The following CSRP3 variants were observed in gnomAD, a reference collection of about 807,000 sequenced individuals.
CSRP3 encodes cysteine and glycine rich protein 3.
Under a neutral mutation model 24.3 loss-of-function variants are expected in CSRP3, and 24 were observed. The observed-to-expected ratio is 0.99, with a 90% CI of 0.71 to 1.39. The LOEUF (loss-of-function observed/expected upper bound fraction) is 1.39. Ranked by LOEUF, CSRP3 falls within the 40% of genes most tolerant of loss-of-function variation. The pLI is 0.00. For missense variants in CSRP3, 240 were observed against 249.0 expected, an observed-to-expected ratio of 0.96 and a Z score of 0.24; for synonymous variants, 105 against 94.0, an observed-to-expected ratio of 1.12 and a Z score of -0.68.
At chr11:19,195,430 A>G (rs958766101) in intron 1 of CSRP3, among the ~76,000 whole-genome samples, 4 of 152,218 alleles carry the variant, frequency 2.6e-5, no homozygotes, top group African/African-American at 9.6e-5. Context: ...CATTTTCTAG[A>G]AAAGAATAGA....
chr11:19,194,990 T>A (rs1280363724), intron 1 of CSRP3, among the ~76,000 whole-genome samples: 2 of 152,096 alleles, frequency 1.3e-5, no homozygotes, highest in African/African-American at 4.8e-5. Context: ...CAGAATGCTC[T>A]GTACCAGAGA....
At position 19,182,541 on chromosome 11, in the gene CSRP3, C is replaced by G; in HGVS notation, c.*129G>C. The G allele has an allele frequency of 1.2e-6, 1 of 837,432 alleles. No individual in the cohort carries two copies. The allele number at this position is 837,432 out of a possible 1,614,324, so 51.9% of individuals were successfully genotyped here. On this transcript the variant is annotated 3_prime_UTR_variant, in exon 6 of 6. Transcript: ENST00000265968. The stretch of plus-strand genomic sequence containing the variant: ...TTCTAACATTCAGTAAAGACCTGAT[C>G]ACTTCTGAGGAGAAACACATAATGT...
chr11:19,184,965 T>C lies in CSRP3; in HGVS notation c.495A>G (p.Glu165=), dbSNP rs1199688191. Residue 165 remains glutamate, a synonymous_variant, in exon 5 of 6, where the codon GAA becomes GAG. Coordinates refer to ENST00000265968, the MANE Select transcript of CSRP3 (RefSeq NM_003476.5). ...ESTNVTDKDG[E]LYCKVCYAKN... Reference sequence around the variant, plus strand: ...AGAATCACTCACCTTTGCAATAAAGTTCCCCATCTTTGTCAGTGACATTTG... The same window carrying C: ...AGAATCACTCACCTTTGCAATAAAGCTCCCCATCTTTGTCAGTGACATTTG... 1.2e-6 allele frequency: 2 copies of C among 1,612,602 alleles called. No homozygotes were observed. The highest frequency in any genetic ancestry group is 1.7e-5 in the Admixed American group (1 of 60,004).
At chr11:19,201,439 G>A (rs1213114751) in intron 1 of CSRP3, among the ~76,000 whole-genome samples, 1 of 152,194 alleles carries the variant, frequency 6.6e-6, no homozygotes, top group East Asian at 1.9e-4. Context: ...ATTGCATCTA[G>A]TACAATCGCT....
At chr11:19,192,293 C>T in intron 2 of CSRP3, 44 bp downstream of exon 2, 1 of 1,302,880 alleles carries the variant, frequency 7.7e-7, no homozygotes, top group Non-Finnish European at 1.1e-6. Context: ...TTTTGTGATG[C>T]TGTCCGGATG....
intron 1 of CSRP3, among the ~76,000 whole-genome samples, chr11:19,198,958 A>G (rs1054265734): frequency 2.0e-5 from 3 of 152,236 alleles, no homozygotes; most frequent in African/African-American, 7.2e-5. Flanking sequence ...TACTTGCATC[A>G]TGACTATTAT....
intron 5 of CSRP3, among the ~76,000 whole-genome samples, chr11:19,184,220 A>G (rs1036823012): frequency 6.6e-6 from 1 of 152,114 alleles, no homozygotes; most frequent in African/African-American, 2.4e-5. Context: ...GAGATTCTTG[A>G]GACACCATCA....
chr11:19,185,044 G>A lies in CSRP3; in HGVS notation c.416C>T (p.Pro139Leu), dbSNP rs1281446924. 1 of 1,612,642 alleles carries A rather than the reference G, an allele frequency of 6.2e-7. No individual in the cohort carries two copies. Among genetic ancestry groups the A allele is most frequent in the Non-Finnish European group, 8.5e-7 (1 of 1,178,680 alleles). ...ACAGCGGAAACAGGTCTTGTGCCAA[G>A]GCTGAGGGGCACAGAAAAGTTGCAT... ...AAEKVMGGGK[P>L]WHKTCFRCAI... is the part of the protein sequence containing the mutation. Residue 139 changes from proline (P) to leucine (L), a missense_variant and splice_region_variant, in exon 5 of 6, where the codon CCT becomes CTT. Pro to Leu is a moderately conservative substitution (Grantham distance 98). Transcript: ENST00000265968.
intron 5 of CSRP3, among the ~76,000 whole-genome samples, chr11:19,184,174 A>G (rs1004554647): frequency 6.6e-6 from 1 of 152,158 alleles, no homozygotes; most frequent in Admixed American, 6.5e-5. Flanking sequence ...CTCCCTTTCC[A>G]TTGCTCCTCT....
chr11:19,197,327 T>G (rs985462152), intron 1 of CSRP3, among the ~76,000 whole-genome samples: 21 of 149,138 alleles, frequency 1.4e-4, no homozygotes, highest in African/African-American at 4.8e-4. Flanking sequence ...TTCTTCCTAA[T>G]CCAACTATTT....
intron 2 of CSRP3, among the ~76,000 whole-genome samples, chr11:19,188,783 A>G (rs950107631): frequency 1.3e-5 from 2 of 152,136 alleles, no homozygotes; most frequent in African/African-American, 4.8e-5. Flanking sequence ...GTGATATTCA[A>G]GCAGACAATT....
chr11:19,192,044 A>G (rs2133515900), intron 2 of CSRP3, among the ~76,000 whole-genome samples: 1 of 152,294 alleles, frequency 6.6e-6, no homozygotes, highest in Middle Eastern at 3.4e-3. Context: ...CATGGGGTCA[A>G]AGTTTTCCCT....
intron 5 of CSRP3, among the ~76,000 whole-genome samples, chr11:19,183,189 G>C (rs1297034745): frequency 1.3e-5 from 2 of 151,852 alleles, no homozygotes; most frequent in Non-Finnish European, 1.5e-5. Flanking sequence ...GTTTATGCAT[G>C]AGCTAACTTT....
chr11:19,192,477 C>T lies in CSRP3; in HGVS notation c.-28-1G>A. 6.4e-7 allele frequency: 1 copy of T among 1,570,626 alleles called. No homozygotes were observed. The highest frequency in any genetic ancestry group is 2.2e-5 in the East Asian group (1 of 44,654). Reference sequence around the variant, plus strand: ...GAAGACTATCTGGTCAAGGTCAAGTCTAAGGGGACATAAAGCAAATACCCT... The same window carrying T: ...GAAGACTATCTGGTCAAGGTCAAGTTTAAGGGGACATAAAGCAAATACCCT... On this transcript the variant is annotated splice_acceptor_variant, in intron 1 of 5. Coordinates refer to ENST00000265968, the MANE Select transcript of CSRP3 (RefSeq NM_003476.5). LOFTEE classifies it low-confidence loss of function (5UTR_SPLICE).
chr11:19,194,632 A>G (rs1165468843), intron 1 of CSRP3, among the ~76,000 whole-genome samples: 1 of 152,226 alleles, frequency 6.6e-6, no homozygotes, highest in African/African-American at 2.4e-5. Flanking sequence ...TCAATGAGCT[A>G]TGATCACACC....
intron 4 of CSRP3, among the ~76,000 whole-genome samples, chr11:19,185,369 G>A (rs956010317): frequency 3.9e-5 from 6 of 152,208 alleles, no homozygotes; most frequent in African/African-American, 1.4e-4. Context: ...GGGGCACTGG[G>A]TGATGTTTAT....
intron 1 of CSRP3, among the ~76,000 whole-genome samples, chr11:19,199,346 G>A (rs1472322505): frequency 1.3e-5 from 2 of 152,196 alleles, no homozygotes; most frequent in African/African-American, 4.8e-5. Context: ...CTCATTGCCA[G>A]CATGGAAATA....
intron 4 of CSRP3, among the ~76,000 whole-genome samples, chr11:19,185,521 C>T (rs1850510355): frequency 6.6e-6 from 1 of 152,234 alleles, no homozygotes; most frequent in Admixed American, 6.5e-5. Context: ...TCTAGATCTC[C>T]ATCCTCCTGC....
chr11:19,186,449 G>T, intron 3 of CSRP3, 101 bp from the exon 4 acceptor site: 1 of 1,416,376 alleles, frequency 7.1e-7, no homozygotes, highest in Non-Finnish European at 1.0e-6. Context: ...GTGTGTCTCA[G>T]ACTCCTCATC....
Sources: allele counts gnomAD v4.1 joint callset (sites outside exome capture counted in the v4.1 genomes callset), GRCh38; gene constraint gnomAD v4.1.1; transcripts MANE v1.5; gene names NCBI Gene and HGNC (gene_info 2026-07-23, HGNC 2026-07-21).